The following INPP5F variants were observed in gnomAD, a reference collection of about 807,000 sequenced individuals.
The protein encoded by INPP5F is inositol polyphosphate-5-phosphatase F.
In INPP5F, 97 loss-of-function variants were observed where a neutral mutation model predicts 137.2. The ratio of observed to expected loss-of-function variants is 0.71; its 90% confidence interval spans 0.60 to 0.84. INPP5F has a LOEUF of 0.84. INPP5F is among the 40% of genes least tolerant of loss of function. INPP5F has a pLI of 0.00. For missense variants in INPP5F, 1,271 were observed against 1,371.9 expected, an observed-to-expected ratio of 0.93 and a Z score of 1.16; for synonymous variants, 504 against 476.9, an observed-to-expected ratio of 1.06 and a Z score of -0.74.
chr10:119,803,677 G>A lies in INPP5F; in HGVS notation c.1117-496G>A, dbSNP rs538201070. ...ATCCTGATTGAATTTTGATTGGGAT[G>A]GTTGAGTGTATAGATTAATTGGGGG... On this transcript the variant is annotated intron_variant, in intron 9 of 19. Transcript: ENST00000650623. Among the ~76,000 whole-genome samples the A allele has an allele frequency of 2.9e-4, 44 of 152,270 alleles. No individual in the cohort carries two copies. In the South Asian group the frequency reaches 8.7e-3, roughly 30 times the overall value.
Position 119,827,018 on chromosome 10 carries a change from A to G in INPP5F, c.2637A>G (p.Leu879=). The G allele has an allele frequency of 1.9e-6, 3 of 1,614,104 alleles. No individual in the cohort carries two copies. The highest frequency in any genetic ancestry group is 2.7e-5 in the African/African-American group (2 of 75,048). ...SDEDRQLANS[L]ESVGPIDYVL... ...AAGACAGGCAGCTAGCTAACTCATT[A>G]GAGAGTGTAGGGCCAATAGATTACG... Residue 879 remains leucine, a synonymous_variant, in exon 20 of 20, where the codon TTA becomes TTG. Coordinates refer to ENST00000650623, the MANE Select transcript of INPP5F (RefSeq NM_014937.4).
intron 6 of INPP5F, among the ~76,000 whole-genome samples, chr10:119,794,903 A>AC (rs1368256731): frequency 6.3e-5 from 5 of 78,818 alleles, no homozygotes; most frequent in South Asian, 6.6e-4. Context: ...CGGGGGGCTG[A>AC]CCCCCCCACC....
chr10:119,789,651 T>A (rs569453951), intron 3 of INPP5F, among the ~76,000 whole-genome samples: 3 of 151,988 alleles, frequency 2.0e-5, no homozygotes, highest in African/African-American at 7.3e-5. Flanking sequence ...CTGGTAGACA[T>A]CCCAGTGGAA....
Position 119,792,153 on chromosome 10 carries a change from C to G in INPP5F, c.613-4C>G, listed in dbSNP as rs1446004413. 6 of 1,614,114 alleles carry G rather than the reference C, an allele frequency of 3.7e-6. No individual in the cohort carries two copies. The highest frequency in any genetic ancestry group is 5.1e-6 in the Non-Finnish European group (6 of 1,180,014). ...CTGAACTATTGTTCCTGCACCTTTT[C>G]TAGGTTGATGACCGATTTTTTTGGA... On this transcript the variant is annotated splice_region_variant and splice_polypyrimidine_tract_variant and intron_variant, in intron 5 of 19. Transcript: ENST00000650623.
chr10:119,785,182 T>C (rs1849839303), intron 3 of INPP5F, among the ~76,000 whole-genome samples: 1 of 152,082 alleles, frequency 6.6e-6, no homozygotes, highest in African/African-American at 2.4e-5. Context: ...GCATACAAGT[T>C]CTTGGTGGTA....
intron 3 of INPP5F, among the ~76,000 whole-genome samples, chr10:119,785,210 CTT>C (rs966258733): frequency 1.3e-5 from 2 of 148,436 alleles, no homozygotes; most frequent in African/African-American, 5.0e-5. Flanking sequence ...TTTAATCTCT[CTT>C]GGGTGTGTAC....
At chr10:119,747,534 A>AT (rs940461371) in intron 1 of INPP5F, among the ~76,000 whole-genome samples, 3 of 152,108 alleles carry the variant, frequency 2.0e-5, no homozygotes, top group Non-Finnish European at 4.4e-5. Context: ...TTAAAAAAAA[A>AT]TTTTTTTTAA....
chr10:119,728,453 T>G lies in INPP5F; in HGVS notation c.97+2094T>G, dbSNP rs147597457. ...TAAAATTCTCTTTATTTTATTGGAC[T>G]TTTCCCCTGTGCTTTTATGGCAAGT... On this transcript the variant is annotated intron_variant, in intron 1 of 19. Coordinates refer to ENST00000650623, the MANE Select transcript of INPP5F (RefSeq NM_014937.4). Among the ~76,000 whole-genome samples, 390 of 152,368 alleles carry G rather than the reference T, an allele frequency of 2.6e-3. 3 individuals are homozygous for G. The highest frequency in any genetic ancestry group is 3.9e-3 in the Non-Finnish European group (265 of 68,038).
chr10:119,783,999 CT>C (rs1849792886), intron 3 of INPP5F, among the ~76,000 whole-genome samples: 2 of 152,192 alleles, frequency 1.3e-5, no homozygotes, highest in African/African-American at 2.4e-5. Context: ...GAAATTTACA[CT>C]TTTGCCATTT....
In INPP5F at chr10:119,797,621, A is replaced by G; in HGVS notation, c.1029A>G (p.Pro343=). Residue 343 remains proline (P), a synonymous_variant, in exon 8 of 20, where the codon CCA becomes CCG. Transcript: ENST00000650623. ...FWSQVGYRYN[P]RPRLDRSEKE... ...GCCAGGTTGGGTATCGATATAACCC[A>G]AGACCGCGGCTGGACAGAAGTAAGC... is the stretch of plus-strand genomic sequence containing the variant. 1 of 1,612,156 alleles carries G rather than the reference A, an allele frequency of 6.2e-7. No individual in the cohort carries two copies. Among genetic ancestry groups the G allele is most frequent in the Non-Finnish European group, 8.5e-7 (1 of 1,179,150 alleles).
At chr10:119,746,428 GCTCTTTC>G (rs1848535452) in intron 1 of INPP5F, among the ~76,000 whole-genome samples, 1 of 152,162 alleles carries the variant, frequency 6.6e-6, no homozygotes, top group South Asian at 2.1e-4. Flanking sequence ...GGTAGCTGGA[GCTCTTTC>G]CTTAGCAGGG....
chr10:119,827,363 A>G lies in INPP5F; in HGVS notation c.2982A>G (p.Gln994=). The G allele has an allele frequency of 6.2e-7, 1 of 1,614,224 alleles. No individual in the cohort carries two copies. Among genetic ancestry groups the G allele is most frequent in the Non-Finnish European group, 8.5e-7 (1 of 1,180,022 alleles). Residue 994 remains glutamine, a synonymous_variant, in exon 20 of 20, where the codon CAA becomes CAG. Coordinates refer to ENST00000650623, the MANE Select transcript of INPP5F (RefSeq NM_014937.4). Reference sequence around the variant, plus strand: ...AGGAAAGAAATCAAATGACCAATCAAGTTTCAAATGAAACCCAATCAGAAT... The same window carrying G: ...AGGAAAGAAATCAAATGACCAATCAGGTTTCAAATGAAACCCAATCAGAAT... ...ASQERNQMTN[Q]VSNETQSEST...
At chr10:119,771,864 A>ATATATG (rs1266746924) in intron 2 of INPP5F, among the ~76,000 whole-genome samples, 36 of 13,120 alleles carry the variant, frequency 2.7e-3, no homozygotes, top group African/African-American at 6.6e-3. Flanking sequence ...ATATATATAT[A>ATATATG]TATATATATA....
rs140322311 is a variant in INPP5F at position 119,811,152 on chromosome 10, A to G, written c.1688-605A>G. On this transcript the variant is annotated intron_variant, in intron 14 of 19. Transcript: ENST00000650623. ...TCTCAGTTCAGCCATCCACAGCATC[A>G]GCTGCATCCAGATCCTGAAGCTGGC... 5.4e-3 allele frequency among the ~76,000 whole-genome samples: 820 copies of G among 152,358 alleles called. 9 individuals carry two copies. The highest frequency in any genetic ancestry group is 0.018 in the African/African-American group (765 of 41,588).
At chr10:119,799,144 T>C (rs1454914820) in intron 9 of INPP5F, among the ~76,000 whole-genome samples, 1 of 152,212 alleles carries the variant, frequency 6.6e-6, no homozygotes, top group African/African-American at 2.4e-5. Flanking sequence ...AGAATGCAAG[T>C]GTATAAACCA....
At chr10:119,791,686 T>G in intron 4 of INPP5F, 41 bp downstream of exon 4, 3 of 1,535,044 alleles carry the variant, frequency 2.0e-6, no homozygotes, top group Non-Finnish European at 2.7e-6. Flanking sequence ...TCACCTTTGA[T>G]TAGTTTTAAA....
intron 2 of INPP5F, among the ~76,000 whole-genome samples, chr10:119,774,188 G>C (rs1292643439): frequency 6.6e-6 from 1 of 150,422 alleles, no homozygotes. Flanking sequence ...CTTGAACCCG[G>C]GAGGCAGAAG....
At position 119,767,107 on chromosome 10, in the gene INPP5F, GAAA is replaced by G. The variant is rs35875262; in HGVS notation, c.179-14504_179-14502del. Among the ~76,000 whole-genome samples the G allele has an allele frequency of 3.7e-3, 149 of 40,542 alleles. 1 individual carries two copies. The highest frequency in any genetic ancestry group is 9.0e-3 in the South Asian group (7 of 782). The allele number at this position is 40,542 out of a possible 152,430, so 26.6% of individuals were successfully genotyped here. A position where few individuals can be genotyped will look rare whatever the true frequency, so the allele number is the denominator to read the frequency against. On this transcript the variant is annotated intron_variant, in intron 2 of 19. Coordinates refer to ENST00000650623, the MANE Select transcript of INPP5F (RefSeq NM_014937.4). ...GCAACAGAGTGAGACTCTGTCTCCA[GAAA>G]AAAAAAAAAAAAAAAAAAAAAAACC...
At chr10:119,793,070 A>G (rs1283720916) in intron 6 of INPP5F, among the ~76,000 whole-genome samples, 2 of 152,108 alleles carry the variant, frequency 1.3e-5, no homozygotes, top group East Asian at 3.9e-4. Context: ...AACTGTGACC[A>G]CCAAAACCCA....
Sources: gnomAD v4.1 joint callset for allele counts (sites outside exome capture counted in the v4.1 genomes callset) on GRCh38, gnomAD v4.1.1 for gene constraint, MANE v1.5 for transcripts, NCBI Gene and HGNC (gene_info 2026-07-23, HGNC 2026-07-21) for gene names.